ADAMTS6: variants seen among roughly 807,000 people sequenced by gnomAD.
ADAMTS6 encodes ADAM metallopeptidase with thrombospondin type 1 motif 6, also known as A disintegrin and metalloproteinase with thrombospondin motifs 6.
ADAMTS6 carries 23 observed loss-of-function variants against 144.3 expected under a neutral mutation model. The observed-to-expected ratio is 0.16, with a 90% CI of 0.11 to 0.23. The LOEUF is 0.23. ADAMTS6 is among the 10% of genes least tolerant of loss of function. ADAMTS6 has a pLI of 1.00. For missense variants in ADAMTS6, 999 were observed against 1,379.6 expected (o/e 0.72, Z 4.37); for synonymous variants, 444 against 457.5 (o/e 0.97, Z 0.38).
intron 22 of ADAMTS6, among the ~76,000 whole-genome samples, 182 bp downstream of exon 22, chr5:65,187,834 C>T (rs1394808629): frequency 6.6e-6 from 1 of 152,086 alleles, no homozygotes; most frequent in Non-Finnish European, 1.5e-5. Flanking sequence ...CGCTGATTTC[C>T]CTTACCCACC....
chr5:65,385,030 A>G (rs1167378298), intron 7 of ADAMTS6, among the ~76,000 whole-genome samples: 1 of 152,142 alleles, frequency 6.6e-6, no homozygotes, highest in Non-Finnish European at 1.5e-5. Context: ...GGCTTCTTTT[A>G]TAAGGGCACT....
intron 21 of ADAMTS6, among the ~76,000 whole-genome samples, chr5:65,189,438 T>A (rs896096522): frequency 1.3e-5 from 2 of 152,196 alleles, no homozygotes; most frequent in Non-Finnish European, 2.9e-5. Context: ...CTGGGTTCCC[T>A]GTCAAGTGAA....
chr5:65,192,482 A>G (rs1272480251), intron 21 of ADAMTS6, among the ~76,000 whole-genome samples: 2 of 152,006 alleles, frequency 1.3e-5, no homozygotes, highest in Non-Finnish European at 2.9e-5. Flanking sequence ...AATAATATTT[A>G]TCACTCAAGG....
At chr5:65,452,643 T>TA in intron 5 of ADAMTS6, 64 bp downstream of exon 5, 1 of 1,555,584 alleles carries the variant, frequency 6.4e-7, no homozygotes, top group South Asian at 1.2e-5. Flanking sequence ...AGCAAAAATT[T>TA]ATGACCTTAG....
chr5:65,473,748 A>G lies in ADAMTS6; in HGVS notation c.-75T>C. 8.9e-7 allele frequency: 1 copy of G among 1,128,116 alleles called. No homozygotes were observed. Among genetic ancestry groups the G allele is most frequent in the Admixed American group, 2.0e-5 (1 of 51,024 alleles). The allele number at this position is 1,128,116 out of a possible 1,614,324, so 69.9% of individuals were successfully genotyped here. A position where few individuals can be genotyped will look rare whatever the true frequency, so the allele number is the denominator to read the frequency against. ...GTCAATACCATACCAAAATCGAAGCATAACAATTTTATTTCTTTAAAACTT... is the reference window on the plus strand; with the variant it reads ...GTCAATACCATACCAAAATCGAAGCGTAACAATTTTATTTCTTTAAAACTT... On this transcript the variant is annotated 5_prime_UTR_variant, in exon 2 of 25. The change abolishes an upstream ATG in the 5' untranslated region. Transcript: ENST00000381055.
At chr5:65,175,594 G>T (rs530620151) in intron 22 of ADAMTS6, among the ~76,000 whole-genome samples, 16 of 151,932 alleles carry the variant, frequency 1.1e-4, no homozygotes, top group African/African-American at 3.9e-4. Flanking sequence ...GGATGGCCCA[G>T]AAGCATTCAA....
intron 14 of ADAMTS6, chr5:65,256,486 T>A (rs1022090422): frequency 2.0e-5 from 3 of 152,204 alleles, no homozygotes; most frequent in Non-Finnish European, 4.4e-5. Flanking sequence ...GAGTCAATAT[T>A]AATGAAGAAA....
chr5:65,427,789 C>T (rs1239609674), intron 7 of ADAMTS6, among the ~76,000 whole-genome samples: 1 of 144,410 alleles, frequency 6.9e-6, no homozygotes, highest in African/African-American at 2.6e-5. Context: ...CAGAGCAAGA[C>T]TCGGTCTCAA....
intron 7 of ADAMTS6, among the ~76,000 whole-genome samples, chr5:65,402,695 C>T (rs549181301): frequency 2.0e-5 from 3 of 152,078 alleles, no homozygotes; most frequent in Admixed American, 6.6e-5. Context: ...CAAGGACACC[C>T]CCCCCCATAT....
intron 9 of ADAMTS6, among the ~76,000 whole-genome samples, chr5:65,300,757 G>A (rs374558333): frequency 9.9e-5 from 15 of 151,654 alleles, no homozygotes; most frequent in African/African-American, 3.6e-4. Context: ...TCATCCTCCC[G>A]AGTAGCTGGG....
At chr5:65,287,233 T>TA (rs1741763563) in intron 11 of ADAMTS6, among the ~76,000 whole-genome samples, 1 of 152,088 alleles carries the variant, frequency 6.6e-6, no homozygotes, top group Non-Finnish European at 1.5e-5. Context: ...CTTATGACCC[T>TA]AAAAAATGAC....
intron 7 of ADAMTS6, among the ~76,000 whole-genome samples, chr5:65,391,034 C>G (rs1752870284): frequency 6.6e-6 from 1 of 151,678 alleles, no homozygotes; most frequent in Non-Finnish European, 1.5e-5. Flanking sequence ...TGTTCACCCA[C>G]CTCAGCCCCC....
intron 9 of ADAMTS6, among the ~76,000 whole-genome samples, chr5:65,328,772 C>A (rs970148138): frequency 7.5e-6 from 1 of 133,036 alleles, no homozygotes; most frequent in African/African-American, 3.8e-5. Flanking sequence ...GTATTTTTTG[C>A]ATGGGTGGGG....
intron 12 of ADAMTS6, among the ~76,000 whole-genome samples, chr5:65,270,878 G>A (rs538656038): frequency 2.0e-5 from 3 of 152,264 alleles, no homozygotes; most frequent in Admixed American, 6.5e-5. Flanking sequence ...CAAAGACAGG[G>A]TAAAGGGCAG....
intron 7 of ADAMTS6, among the ~76,000 whole-genome samples, chr5:65,429,524 A>C (rs1318316662): frequency 6.6e-6 from 1 of 152,050 alleles, no homozygotes; most frequent in Admixed American, 6.6e-5. Flanking sequence ...AATAAATAAA[A>C]ATTTTAAAAA....
At chr5:65,407,175 C>A (rs1490673990) in intron 7 of ADAMTS6, among the ~76,000 whole-genome samples, 1 of 151,988 alleles carries the variant, frequency 6.6e-6, no homozygotes, top group African/African-American at 2.4e-5. Flanking sequence ...CTCCAAGACA[C>A]AAAATTGTCA....
Position 65,152,242 on chromosome 5 carries a change from G to C in ADAMTS6, c.3245-297C>G, listed in dbSNP as rs557480819. Among the ~76,000 whole-genome samples, 8 of 152,296 alleles carry C rather than the reference G, an allele frequency of 5.3e-5. No homozygotes were observed. In the East Asian group the frequency reaches 1.5e-3, roughly 29 times the overall value. ...TCTTGAAAGAATTACCATTTGCTAG[G>C]ATAAGTGATCACTTTAGACAGCTTG... On this transcript the variant is annotated intron_variant, in intron 24 of 24. Coordinates refer to ENST00000381055, the MANE Select transcript of ADAMTS6 (RefSeq NM_197941.4).
chr5:65,323,521 TG>T (rs1745845650), intron 9 of ADAMTS6, among the ~76,000 whole-genome samples: 2 of 152,148 alleles, frequency 1.3e-5, no homozygotes, highest in Non-Finnish European at 1.5e-5. Context: ...CTATCATTGT[TG>T]GACATTTGGG....
At chr5:65,375,241 A>G (rs985962959) in intron 7 of ADAMTS6, among the ~76,000 whole-genome samples, 1 of 152,242 alleles carries the variant, frequency 6.6e-6, no homozygotes, top group Non-Finnish European at 1.5e-5. Flanking sequence ...AATGGTAACA[A>G]AAGCCAAAAT....
Sources: gnomAD v4.1 joint callset for allele counts (sites outside exome capture counted in the v4.1 genomes callset) on GRCh38, gnomAD v4.1.1 for gene constraint, MANE v1.5 for transcripts, NCBI Gene and HGNC (gene_info 2026-07-23, HGNC 2026-07-21) for gene names.